DDX4: variants seen among roughly 807,000 people sequenced by gnomAD.
DDX4 encodes the protein DEAD-box helicase 4.
A neutral mutation model predicts 100.0 loss-of-function variants in DDX4; 25 were observed. The observed-to-expected ratio is 0.25, with a 90% CI of 0.18 to 0.35. The LOEUF (loss-of-function observed/expected upper bound fraction) is 0.35. DDX4 is among the 10% of genes least tolerant of loss of function. The pLI is 1.00. For missense variants in DDX4, 635 were observed against 882.4 expected (o/e 0.72, Z 3.55); for synonymous variants, 259 against 275.7 (o/e 0.94, Z 0.60).
chr5:55,800,741 G>C (rs1030145451), intron 18 of DDX4, among the ~76,000 whole-genome samples: 1 of 152,064 alleles, frequency 6.6e-6, no homozygotes, highest in African/African-American at 2.4e-5. Flanking sequence ...TATTATATAT[G>C]AGCACTATTG....
chr5:55,803,347 T>C (rs1281033872), intron 18 of DDX4, among the ~76,000 whole-genome samples: 2 of 149,006 alleles, frequency 1.3e-5, no homozygotes, highest in Non-Finnish European at 3.0e-5. Flanking sequence ...TATTATACTT[T>C]AAGTTTTAGG....
chr5:55,739,641 A>G (rs1368640852), intron 2 of DDX4, among the ~76,000 whole-genome samples: 1 of 152,198 alleles, frequency 6.6e-6, no homozygotes, highest in Non-Finnish European at 1.5e-5. Context: ...TACTTACTAT[A>G]TGGTGTCTCT....
chr5:55,784,456 A>G (rs1275315333), intron 10 of DDX4, among the ~76,000 whole-genome samples: 1 of 152,094 alleles, frequency 6.6e-6, no homozygotes, highest in Non-Finnish European at 1.5e-5. Flanking sequence ...TCACAGACAT[A>G]CCCAGAAATA....
Position 55,815,390 on chromosome 5 carries a change from A to AG in DDX4, c.2066dup (p.Asn690LysfsTer7). 1 of 1,613,558 alleles carries AG rather than the reference A, an allele frequency of 6.2e-7. No homozygotes were observed. The highest frequency in any genetic ancestry group is 8.5e-7 in the Non-Finnish European group (1 of 1,179,892). ...TTCCTGGCTTCAGTGGTAGTACAAG[A>AG]GGAAACGTGTTTGCATCAGTTGATA... On this transcript the variant is annotated frameshift_variant, in exon 21 of 22. Transcript: ENST00000505374. LOFTEE classifies it high-confidence loss of function.
intron 2 of DDX4, 138 bp downstream of exon 2, chr5:55,739,170 A>C: frequency 1.6e-6 from 1 of 624,460 alleles, no homozygotes; most frequent in South Asian, 2.1e-5. Context: ...TATATGGGGA[A>C]TAAGAGACAA....
intron 16 of DDX4, among the ~76,000 whole-genome samples, chr5:55,791,986 TG>T (rs1742593589): frequency 6.6e-6 from 1 of 151,920 alleles, no homozygotes; most frequent in South Asian, 2.1e-4. Context: ...TAGCCAGGCA[TG>T]GGGGCATGTG....
intron 9 of DDX4, 129 bp from the exon 10 acceptor site, chr5:55,781,805 A>G (rs1213650678): frequency 2.0e-6 from 2 of 982,332 alleles, no homozygotes; most frequent in Non-Finnish European, 3.0e-6. Context: ...TCTAAAATTA[A>G]GAGATGGATG....
Position 55,789,907 on chromosome 5 carries a change from A to G in DDX4, c.1173-669A>G, listed in dbSNP as rs536278383. 2.6e-5 allele frequency among the ~76,000 whole-genome samples: 4 copies of G among 152,258 alleles called. No individual in the cohort carries two copies. In the South Asian group the frequency reaches 8.3e-4, roughly 32 times the overall value. ...ACCACAGGTGATTTTATTCTTTTCC[A>G]TGCTTGAAATCACTTTAATATCAAA... On this transcript the variant is annotated intron_variant, in intron 15 of 21. Transcript: ENST00000505374.
chr5:55,756,691 G>A (rs62361890), intron 3 of DDX4, among the ~76,000 whole-genome samples: 5,884 of 152,196 alleles, frequency 0.039, 153 homozygotes, highest in Non-Finnish European at 0.061. Context: ...TTTGGTCCAA[G>A]TGTAACTATA....
chr5:55,772,109 G>C (rs1414495255), intron 7 of DDX4, among the ~76,000 whole-genome samples: 1 of 152,138 alleles, frequency 6.6e-6, no homozygotes, highest in Non-Finnish European at 1.5e-5. Flanking sequence ...TACTCGGCAG[G>C]CTGAGGCAGA....
At chr5:55,804,760 G>T (rs1743580665) in intron 18 of DDX4, among the ~76,000 whole-genome samples, 1 of 152,086 alleles carries the variant, frequency 6.6e-6, no homozygotes, top group South Asian at 2.1e-4. Flanking sequence ...GTAGTGTGAT[G>T]CCTCCAGCTT....
chr5:55,749,142 C>T (rs1026386486), intron 3 of DDX4, among the ~76,000 whole-genome samples: 11 of 152,160 alleles, frequency 7.2e-5, no homozygotes, highest in Admixed American at 1.3e-4. Context: ...CAATAGGAGG[C>T]AGGTGTAGTG....
chr5:55,769,549 G>A (rs988287350), intron 7 of DDX4, among the ~76,000 whole-genome samples: 2 of 152,064 alleles, frequency 1.3e-5, no homozygotes, highest in Admixed American at 6.5e-5. Flanking sequence ...CAAAATCAAT[G>A]TACAAAAATC....
chr5:55,786,874 T>G (rs897968946), intron 14 of DDX4, among the ~76,000 whole-genome samples: 1 of 152,254 alleles, frequency 6.6e-6, no homozygotes, highest in Non-Finnish European at 1.5e-5. Context: ...GTGGTGTTGC[T>G]GTCCATAGAT....
rs116712198 is a variant in DDX4 at position 55,787,375 on chromosome 5, G to C, written c.1018-471G>C. Among the ~76,000 whole-genome samples, 426 of 152,294 alleles carry C rather than the reference G, an allele frequency of 2.8e-3. 4 individuals carry two copies. Among genetic ancestry groups the C allele is most frequent in the African/African-American group, 9.8e-3 (408 of 41,568 alleles). Reference sequence around the variant, plus strand: ...CTGTAGCACAAAATTTCTGTTGCCAGATGTAACTTCAATAAGGGTAATGTG... The same window carrying C: ...CTGTAGCACAAAATTTCTGTTGCCACATGTAACTTCAATAAGGGTAATGTG... On this transcript the variant is annotated intron_variant, in intron 14 of 21. Coordinates refer to ENST00000505374, the MANE Select transcript of DDX4 (RefSeq NM_024415.3).
At position 55,742,262 on chromosome 5, in the gene DDX4, A is replaced by G. The variant is rs1019770181; in HGVS notation, c.69+3230A>G. 8 of 455,854 alleles carry G rather than the reference A, an allele frequency of 1.8e-5. 1 individual carries two copies. Among genetic ancestry groups the G allele is most frequent in the South Asian group, 3.1e-5 (2 of 64,518 alleles). The allele number at this position is 455,854 out of a possible 1,614,324, so 28.2% of individuals were successfully genotyped here. On this transcript the variant is annotated intron_variant, in intron 2 of 21. Coordinates refer to ENST00000505374, the MANE Select transcript of DDX4 (RefSeq NM_024415.3). ...TAGAATGGATGGGTATGGTGAGTGTATTAGATAATTCCGTTGCTTACTTAC... is the reference window on the plus strand; with the variant it reads ...TAGAATGGATGGGTATGGTGAGTGTGTTAGATAATTCCGTTGCTTACTTAC...
At chr5:55,768,800 G>T (rs1268593524) in intron 7 of DDX4, among the ~76,000 whole-genome samples, 1 of 152,038 alleles carries the variant, frequency 6.6e-6, no homozygotes, top group Admixed American at 6.5e-5. Flanking sequence ...GTTATTTTTT[G>T]ATTTTTTAAT....
intron 3 of DDX4, among the ~76,000 whole-genome samples, chr5:55,755,259 C>G (rs1421401676): frequency 2.6e-5 from 4 of 152,014 alleles, no homozygotes; most frequent in African/African-American, 9.7e-5. Context: ...TGGGAATGCT[C>G]CCAAATTTTT....
chr5:55,757,914 A>G (rs1036565697), intron 3 of DDX4, among the ~76,000 whole-genome samples: 2 of 152,096 alleles, frequency 1.3e-5, no homozygotes, highest in Non-Finnish European at 2.9e-5. Flanking sequence ...ATATTGTGGT[A>G]CACGCCTCTA....
Sources: allele counts gnomAD v4.1 joint callset (sites outside exome capture counted in the v4.1 genomes callset), GRCh38; gene constraint gnomAD v4.1.1; transcripts MANE v1.5; gene names NCBI Gene and HGNC (gene_info 2026-07-23, HGNC 2026-07-21).